The following EDEM3 variants were observed in gnomAD, a reference collection of about 807,000 sequenced individuals.
EDEM3 encodes the protein ER degradation-enhancing alpha-mannosidase-like protein 3.
A neutral mutation model predicts 110.2 loss-of-function variants in EDEM3; 60 were observed. The observed-to-expected ratio is 0.54, with a 90% CI of 0.44 to 0.67. The LOEUF is 0.67. EDEM3 is among the 30% of genes least tolerant of loss of function. The pLI is 0.00. For synonymous variants in EDEM3, 352 were observed against 382.9 expected, an observed-to-expected ratio of 0.92 and a Z score of 0.94; for missense variants, 996 against 1,121.0, an observed-to-expected ratio of 0.89 and a Z score of 1.59.
At position 184,723,641 on chromosome 1, in the gene EDEM3, G is replaced by A; in HGVS notation, c.853+110C>T. 3.4e-6 allele frequency: 3 copies of A among 894,710 alleles called. No homozygotes were observed. The East Asian group carries it at 8.1e-5, about 24-fold the overall frequency. 55.4% of individuals were successfully genotyped at this position (894,710 alleles called of 1,614,324 possible). A position where few individuals can be genotyped will look rare whatever the true frequency, so the allele number is the denominator to read the frequency against. On this transcript the variant is annotated intron_variant, in intron 8 of 19. Coordinates refer to ENST00000318130, the MANE Select transcript of EDEM3 (RefSeq NM_025191.4). ...AATTAAAATTCCAGCAATCTTGTGA[G>A]AACCTATGCTTTATAGTATCCCAAA...
chr1:184,699,241 T>C (rs934671403), intron 19 of EDEM3, among the ~76,000 whole-genome samples: 7 of 151,810 alleles, frequency 4.6e-5, no homozygotes, highest in Non-Finnish European at 8.8e-5. Flanking sequence ...GCAAGGAATA[T>C]AGAGATGAGA....
intron 13 of EDEM3, among the ~76,000 whole-genome samples, chr1:184,715,030 G>A (rs1558051477): frequency 6.6e-6 from 1 of 152,124 alleles, no homozygotes; most frequent in Non-Finnish European, 1.5e-5. Flanking sequence ...ATCCCCTCAG[G>A]AACAGTGAGT....
intron 13 of EDEM3, among the ~76,000 whole-genome samples, chr1:184,715,698 G>T (rs1650508249): frequency 6.6e-6 from 1 of 152,176 alleles, no homozygotes; most frequent in Non-Finnish European, 1.5e-5. Context: ...TCAGAAAGCT[G>T]TTGTAAGGAT....
intron 18 of EDEM3, among the ~76,000 whole-genome samples, chr1:184,705,411 C>T (rs1649861070): frequency 6.6e-6 from 1 of 152,120 alleles, no homozygotes; most frequent in African/African-American, 2.4e-5. Context: ...TAGTTCTCTC[C>T]TGTAAGTACT....
At chr1:184,717,700 A>ATTC in intron 11 of EDEM3, 77 bp from the exon 12 acceptor site, 23 of 1,048,758 alleles carry the variant, frequency 2.2e-5, no homozygotes, top group Non-Finnish European at 2.8e-5. Flanking sequence ...TAGAATATAT[A>ATTC]TAAATAGGTA....
chr1:184,712,511 ATCT>A lies in EDEM3; in HGVS notation c.1455_1457del (p.Glu485del). ...GATGAGCTTCTGTTGTAAAGATGTA[ATCT>A]TCTATGTCAAAAATAATGTCTTCTT... On this transcript the variant is annotated inframe_deletion, in exon 14 of 20. Coordinates refer to ENST00000318130, the MANE Select transcript of EDEM3 (RefSeq NM_025191.4). The A allele has an allele frequency of 6.2e-7, 1 of 1,605,312 alleles. No individual in the cohort carries two copies. The highest frequency in any genetic ancestry group is 8.5e-7 in the Non-Finnish European group (1 of 1,175,800).
intron 12 of EDEM3, 93 bp downstream of exon 12, chr1:184,717,447 G>A (rs1650613727): frequency 2.2e-6 from 2 of 890,726 alleles, no homozygotes; most frequent in Non-Finnish European, 3.5e-6. Context: ...ATTAAAAGGG[G>A]ACTCTGAAAA....
At chr1:184,722,650 GAC>G (rs1461973572) in intron 8 of EDEM3, among the ~76,000 whole-genome samples, 1 of 151,790 alleles carries the variant, frequency 6.6e-6, no homozygotes, top group Non-Finnish European at 1.5e-5. Context: ...TCATTTAGAT[GAC>G]ACAGAAAAAT....
chr1:184,753,713 T>C (rs1347111212), intron 1 of EDEM3, among the ~76,000 whole-genome samples: 1 of 152,240 alleles, frequency 6.6e-6, no homozygotes, highest in Non-Finnish European at 1.5e-5. Flanking sequence ...CCTACGTTTA[T>C]GGAGGTTGAG....
chr1:184,706,876 A>G (rs985622802), intron 17 of EDEM3, 68 bp from the exon 18 acceptor site: 55 of 1,495,472 alleles, frequency 3.7e-5, no homozygotes, highest in Non-Finnish European at 4.5e-5. Context: ...TTAAACCTCA[A>G]TATCTAGAGT....
rs1335219991 is a variant in EDEM3, at chr1:184,751,298, CT to C, written c.159-1707del. ...TATCAATGAATGGAAGATGGAAGTC[CT>C]CTTTTTTTTCCTTCCCTGAAATGGA... On this transcript the variant is annotated intron_variant, in intron 1 of 19. Coordinates refer to ENST00000318130, the MANE Select transcript of EDEM3 (RefSeq NM_025191.4). 2.0e-5 allele frequency among the ~76,000 whole-genome samples: 3 copies of C among 151,682 alleles called. No individual in the cohort carries two copies. In the East Asian group the frequency reaches 5.8e-4, roughly 29 times the overall value.
intron 1 of EDEM3, among the ~76,000 whole-genome samples, chr1:184,749,954 C>T (rs1476901572): frequency 1.3e-5 from 2 of 152,042 alleles, no homozygotes; most frequent in Non-Finnish European, 2.9e-5. Flanking sequence ...TGTCTTGAAG[C>T]GGGGGTTTTG....
chr1:184,746,965 TAA>T (rs1249443900), intron 2 of EDEM3, among the ~76,000 whole-genome samples: 2 of 151,620 alleles, frequency 1.3e-5, no homozygotes, highest in East Asian at 3.9e-4. Context: ...TATTTTTAAT[TAA>T]GTTTATTATT....
chr1:184,722,684 G>A (rs1650968806), intron 8 of EDEM3, among the ~76,000 whole-genome samples: 1 of 151,662 alleles, frequency 6.6e-6, no homozygotes, highest in Non-Finnish European at 1.5e-5. Flanking sequence ...CTGAATAAAG[G>A]TAATAATTTT....
rs1323881664 is a variant in EDEM3 at position 184,694,189 on chromosome 1, T to G, written c.2673A>C (p.Ser891=). The G allele has an allele frequency of 2.5e-6, 4 of 1,613,508 alleles. No individual in the cohort carries two copies. Among genetic ancestry groups the G allele is most frequent in the Middle Eastern group, 3.3e-4 (2 of 6,060 alleles). ...TAGGATTGGAATCTTCCTCAGTTTC[T>G]GATTGTTCTTGAAGCTGGTTATCTA... ...TDLDNQLQEQ[S]ETEEDSNPNV... The change falls in exon 20 of 20, where the codon TCA becomes TCC. Residue 891 remains serine, a synonymous_variant. Coordinates refer to ENST00000318130, the MANE Select transcript of EDEM3 (RefSeq NM_025191.4).
chr1:184,741,104 T>A (rs910060452), intron 2 of EDEM3, among the ~76,000 whole-genome samples: 7 of 151,944 alleles, frequency 4.6e-5, no homozygotes, highest in African/African-American at 1.2e-4. Flanking sequence ...GTTTAAAAAA[T>A]AATAATAATA....
intron 2 of EDEM3, among the ~76,000 whole-genome samples, chr1:184,741,519 A>G (rs941728324): frequency 1.3e-5 from 2 of 152,144 alleles, no homozygotes; most frequent in African/African-American, 4.8e-5. Flanking sequence ...CATTTTTCTT[A>G]TATTTATAAC....
intron 2 of EDEM3, among the ~76,000 whole-genome samples, chr1:184,743,732 G>A (rs1339013406): frequency 6.6e-6 from 1 of 152,052 alleles, no homozygotes; most frequent in Non-Finnish European, 1.5e-5. Context: ...ATTTGTATAA[G>A]GGTAGATAGA....
At chr1:184,701,122 T>C (rs185318947) in intron 19 of EDEM3, among the ~76,000 whole-genome samples, 5 of 152,178 alleles carry the variant, frequency 3.3e-5, no homozygotes, top group East Asian at 1.9e-4. Context: ...TGCTGTACCA[T>C]AATCCTGTAG....
Sources: allele counts gnomAD v4.1 joint callset (sites outside exome capture counted in the v4.1 genomes callset), GRCh38; gene constraint gnomAD v4.1.1; transcripts MANE v1.5; gene names NCBI Gene and HGNC (gene_info 2026-07-23, HGNC 2026-07-21).